Variants in NTM observed in about 807,000 individuals in gnomAD.
NTM encodes IgLON family member 2.
In NTM, 13 loss-of-function variants were observed where a neutral mutation model predicts 42.1. The ratio of observed to expected loss-of-function variants is 0.31; its 90% CI spans 0.20 to 0.49. The LOEUF is 0.49. Among genes scored for constraint, NTM ranks in the 20% least tolerant of loss-of-function variants. NTM has a pLI of 0.99. For missense variants in NTM, 373 were observed against 452.8 expected (o/e 0.82, Z 1.60); for synonymous variants, 187 against 179.2 (o/e 1.04, Z -0.35).
chr11:132,270,824 G>A (rs1591649826), intron 4 of NTM, among the ~76,000 whole-genome samples: 1 of 152,076 alleles, frequency 6.6e-6, no homozygotes, highest in Non-Finnish European at 1.5e-5. Flanking sequence ...TGTGCTTTGT[G>A]TATGTGTGTA....
intron 3 of NTM, among the ~76,000 whole-genome samples, chr11:132,152,465 G>A (rs1257778310): frequency 6.6e-6 from 1 of 152,168 alleles, no homozygotes; most frequent in Non-Finnish European, 1.5e-5. Context: ...TCCCATTCAA[G>A]AAATAGATGA....
chr11:132,042,768 C>T (rs986091039), intron 2 of NTM, among the ~76,000 whole-genome samples: 1 of 152,168 alleles, frequency 6.6e-6, no homozygotes, highest in Admixed American at 6.5e-5. Context: ...ATAGGATACA[C>T]AAAGCTAGAT....
intron 1 of NTM, chr11:131,910,962 T>C (rs2054787657): frequency 2.0e-5 from 20 of 995,184 alleles, no homozygotes; most frequent in Non-Finnish European, 2.4e-5. Context: ...TCCCATCTGC[T>C]ATTGTTTCCG....
At chr11:132,331,835 G>C (rs941647068) in intron 8 of NTM, among the ~76,000 whole-genome samples, 3 of 152,162 alleles carry the variant, frequency 2.0e-5, no homozygotes, top group Non-Finnish European at 2.9e-5. Context: ...GACATATTTC[G>C]GACGGAGGGG....
intron 1 of NTM, among the ~76,000 whole-genome samples, chr11:131,873,734 A>G (rs2048142053): frequency 6.9e-6 from 1 of 144,474 alleles, no homozygotes; most frequent in Non-Finnish European, 1.5e-5. Flanking sequence ...TAATGTATAT[A>G]TATCAGCTGA....
intron 1 of NTM, among the ~76,000 whole-genome samples, chr11:131,483,540 G>A (rs555559564): frequency 2.6e-4 from 40 of 152,354 alleles, no homozygotes; most frequent in Non-Finnish European, 4.0e-4. Flanking sequence ...GACACTGAAA[G>A]TGGAAATTAA....
At chr11:132,249,652 C>G (rs902249098) in intron 4 of NTM, among the ~76,000 whole-genome samples, 1 of 152,140 alleles carries the variant, frequency 6.6e-6, no homozygotes, top group Non-Finnish European at 1.5e-5. Flanking sequence ...TTCTTAAAAC[C>G]ATGTACAACT....
At chr11:131,847,355 G>A (rs1171511494) in intron 1 of NTM, among the ~76,000 whole-genome samples, 2 of 151,980 alleles carry the variant, frequency 1.3e-5, no homozygotes, top group African/African-American at 4.8e-5. Flanking sequence ...AAGAATACCT[G>A]TAATTGAGAA....
chr11:131,850,442 A>G (rs574804410), intron 1 of NTM, among the ~76,000 whole-genome samples: 1 of 152,174 alleles, frequency 6.6e-6, no homozygotes, highest in Admixed American at 6.5e-5. Flanking sequence ...CTTATAAATG[A>G]CTCTTGGCCC....
intron 1 of NTM, among the ~76,000 whole-genome samples, chr11:131,669,387 G>A (rs531205734): frequency 1.3e-5 from 2 of 152,332 alleles, no homozygotes; most frequent in Admixed American, 6.5e-5. Flanking sequence ...GCTACCAGAA[G>A]CATCTGTTTA....
At chr11:131,961,591 T>C (rs2062174606) in intron 2 of NTM, among the ~76,000 whole-genome samples, 1 of 152,192 alleles carries the variant, frequency 6.6e-6, no homozygotes, top group Non-Finnish European at 1.5e-5. Flanking sequence ...GAAGATACTC[T>C]GGAAGGCCTA....
At chr11:132,034,373 G>A (rs190852691) in intron 2 of NTM, among the ~76,000 whole-genome samples, 33 of 152,258 alleles carry the variant, frequency 2.2e-4, no homozygotes, top group Admixed American at 6.5e-4. Flanking sequence ...CCGTCTCAGG[G>A]GTGTCCTGAA....
At chr11:132,304,147 G>C (rs193105119) in intron 4 of NTM, among the ~76,000 whole-genome samples, 3 of 152,310 alleles carry the variant, frequency 2.0e-5, no homozygotes, top group Admixed American at 2.0e-4. Context: ...TAAGGGAGTA[G>C]AGTTTGTGTT....
At chr11:132,044,576 C>T (rs890921300) in intron 2 of NTM, among the ~76,000 whole-genome samples, 6 of 151,950 alleles carry the variant, frequency 3.9e-5, no homozygotes, top group South Asian at 2.1e-4. Context: ...CTGAGGTGGC[C>T]GACAACTGAG....
intron 1 of NTM, among the ~76,000 whole-genome samples, chr11:131,564,179 G>A (rs2056584558): frequency 6.6e-6 from 1 of 152,356 alleles, no homozygotes; most frequent in East Asian, 1.9e-4. Flanking sequence ...TACTAAGGGA[G>A]GAACTGACTA....
intron 1 of NTM, among the ~76,000 whole-genome samples, chr11:131,590,807 C>A (rs1029963086): frequency 6.6e-6 from 1 of 152,212 alleles, no homozygotes; most frequent in East Asian, 1.9e-4. Flanking sequence ...TATAAATGGC[C>A]GATGTAAGGT....
At chr11:132,251,984 C>T (rs143065245) in intron 4 of NTM, among the ~76,000 whole-genome samples, 153 of 152,272 alleles carry the variant, frequency 1.0e-3, no homozygotes, top group African/African-American at 3.3e-3. Flanking sequence ...CCTGCCTTTC[C>T]GCCCAGACAG....
At chr11:131,861,028 T>A (rs541276534) in intron 1 of NTM, among the ~76,000 whole-genome samples, 1 of 152,160 alleles carries the variant, frequency 6.6e-6, no homozygotes, top group South Asian at 2.1e-4. Flanking sequence ...GGGTGTAATC[T>A]TAGTCCCCTA....
intron 1 of NTM, among the ~76,000 whole-genome samples, chr11:131,483,353 C>T (rs1953816337): frequency 6.6e-6 from 1 of 152,318 alleles, no homozygotes; most frequent in South Asian, 2.1e-4. Context: ...ACATTCGTTT[C>T]AATCCTCACA....
Sources: gnomAD v4.1 joint callset for allele counts (sites outside exome capture counted in the v4.1 genomes callset) on GRCh38, gnomAD v4.1.1 for gene constraint, MANE v1.5 for transcripts, NCBI Gene and HGNC (gene_info 2026-07-23, HGNC 2026-07-21) for gene names.